KIF2A: variants seen among roughly 807,000 people sequenced by gnomAD.
KIF2A encodes the protein kinesin-like protein KIF2A.
In KIF2A, 22 loss-of-function variants were observed where a neutral mutation model predicts 100.2. That is an observed-to-expected ratio of 0.22 (90% CI 0.16 to 0.31). KIF2A has a LOEUF of 0.31. Ranked by LOEUF, KIF2A falls within the 10% of genes least tolerant of loss-of-function variation. The pLI is 1.00. For missense variants in KIF2A, 495 were observed against 898.7 expected, an observed-to-expected ratio of 0.55 and a Z score of 5.74; for synonymous variants, 268 against 285.9, an observed-to-expected ratio of 0.94 and a Z score of 0.63.
chr5:62,344,566 C>T (rs1405906996), intron 1 of KIF2A, among the ~76,000 whole-genome samples: 3 of 152,094 alleles, frequency 2.0e-5, no homozygotes, highest in Non-Finnish European at 4.4e-5. Context: ...AGAATGTATA[C>T]AAAGGGCGGT....
At chr5:62,362,988 A>G (rs377001403) in intron 12 of KIF2A, among the ~76,000 whole-genome samples, 190 bp from the exon 13 acceptor site, 2 of 152,274 alleles carry the variant, frequency 1.3e-5, no homozygotes, top group African/African-American at 4.8e-5. Context: ...CACCATGCCC[A>G]GCTAATTTGT....
At chr5:62,323,758 C>G (rs1746227236) in intron 1 of KIF2A, among the ~76,000 whole-genome samples, 1 of 151,838 alleles carries the variant, frequency 6.6e-6, no homozygotes, top group Non-Finnish European at 1.5e-5. Context: ...ATTTTTTTTG[C>G]TGGGTACAGT....
chr5:62,323,021 C>T (rs2077440241), intron 1 of KIF2A, among the ~76,000 whole-genome samples: 1 of 150,256 alleles, frequency 6.7e-6, no homozygotes, highest in African/African-American at 2.4e-5. Flanking sequence ...CTTTGGGAGG[C>T]CGAGGTGGAC....
intron 19 of KIF2A, 51 bp from the exon 20 acceptor site, chr5:62,381,067 T>C: frequency 7.0e-7 from 1 of 1,418,872 alleles, no homozygotes; most frequent in South Asian, 1.2e-5. Flanking sequence ...TGTAATTTGG[T>C]TTCTGTTGCA....
chr5:62,324,117 G>A (rs1746242567), intron 1 of KIF2A, among the ~76,000 whole-genome samples: 1 of 151,948 alleles, frequency 6.6e-6, no homozygotes. Flanking sequence ...ATTTACAGTA[G>A]CCACCTAAAG....
intron 20 of KIF2A, among the ~76,000 whole-genome samples, chr5:62,383,227 AG>A (rs1741863093): frequency 1.9e-5 from 2 of 104,666 alleles, no homozygotes; most frequent in African/African-American, 7.5e-5. Context: ...ATGCCTGGCC[AG>A]ATTTTTTTTT....
At chr5:62,377,046 C>G (rs1435804072) in intron 18 of KIF2A, among the ~76,000 whole-genome samples, 1 of 152,162 alleles carries the variant, frequency 6.6e-6, no homozygotes, top group Non-Finnish European at 1.5e-5. Flanking sequence ...AAGCACTGTT[C>G]AAACATGTAT....
intron 7 of KIF2A, among the ~76,000 whole-genome samples, chr5:62,357,158 G>A (rs247273): frequency 0.49 from 73,753 of 150,240 alleles, 18,953 homozygotes; most frequent in African/African-American, 0.64. Flanking sequence ...ATCTCGGCCC[G>A]CTGCAACCTC....
intron 1 of KIF2A, among the ~76,000 whole-genome samples, chr5:62,313,580 C>T (rs1476783943): frequency 6.6e-6 from 1 of 152,070 alleles, no homozygotes; most frequent in Middle Eastern, 3.2e-3. Flanking sequence ...GTCTTGAACT[C>T]CTGAGCTCGT....
intron 1 of KIF2A, among the ~76,000 whole-genome samples, chr5:62,343,116 T>C (rs73760588): frequency 0.087 from 13,292 of 152,174 alleles, 708 homozygotes; most frequent in African/African-American, 0.15. Flanking sequence ...AGTAAACCTC[T>C]TGTACTCCCA....
At chr5:62,373,183 T>C (rs1347825390) in intron 17 of KIF2A, among the ~76,000 whole-genome samples, 1 of 152,080 alleles carries the variant, frequency 6.6e-6, no homozygotes, top group Admixed American at 6.5e-5. Context: ...TTATACATTA[T>C]AAATAAAATT....
chr5:62,376,292 G>C (rs1476792986), intron 18 of KIF2A, among the ~76,000 whole-genome samples: 1 of 152,128 alleles, frequency 6.6e-6, no homozygotes, highest in Non-Finnish European at 1.5e-5. Flanking sequence ...CTCAGCATTA[G>C]CCTTTAGTTA....
intron 4 of KIF2A, 30 bp downstream of exon 4, chr5:62,350,150 G>A: frequency 7.6e-7 from 1 of 1,312,154 alleles, no homozygotes; most frequent in Non-Finnish European, 1.1e-6. Context: ...CTTAATTTTG[G>A]CTATTGACTT....
intron 19 of KIF2A, among the ~76,000 whole-genome samples, chr5:62,380,662 T>G (rs1741738415): frequency 6.6e-6 from 1 of 152,220 alleles, no homozygotes; most frequent in African/African-American, 2.4e-5. Flanking sequence ...TAAGGTATTC[T>G]TACCACAAAG....
chr5:62,385,416 C>A, intron 20 of KIF2A, 68 bp from the exon 21 acceptor site: 3 of 1,058,784 alleles, frequency 2.8e-6, no homozygotes, highest in Non-Finnish European at 4.3e-6. Flanking sequence ...TTGATTGAAC[C>A]CATAAAGTTG....
At chr5:62,370,777 A>C (rs1324054025) in intron 16 of KIF2A, among the ~76,000 whole-genome samples, 4 of 152,144 alleles carry the variant, frequency 2.6e-5, no homozygotes, top group Non-Finnish European at 5.9e-5. Flanking sequence ...TCTTGGGTAG[A>C]AGAGTGATTA....
chr5:62,363,880 A>G lies in KIF2A; in HGVS notation c.1448A>G (p.Lys483Arg). The G allele has an allele frequency of 6.2e-7, 1 of 1,611,724 alleles. No individual in the cohort carries two copies. The highest frequency in any genetic ancestry group is 8.5e-7 in the Non-Finnish European group (1 of 1,178,602). Residue 483 changes from lysine to arginine, a missense_variant, in exon 14 of 21, where the codon AAA (lysine) becomes AGA (arginine). This residue lies in a region of KIF2A where 16 missense variants were observed against 78.1 expected (regional missense o/e 0.20). Coordinates refer to ENST00000407818, the MANE Select transcript of KIF2A (RefSeq NM_001098511.3). ...AGGCTTGAAGGTGCTGAAATTAATA[A>G]AAGCCTTTTAGCACTCAAGGTAAAT... ...QTRLEGAEIN[K>R]SLLALKECIR...
chr5:62,330,435 A>G (rs264530), intron 1 of KIF2A, among the ~76,000 whole-genome samples: 85,514 of 152,058 alleles, frequency 0.56, 24,268 homozygotes, highest in South Asian at 0.65. Context: ...AGGTTTTACC[A>G]TCAATGTGTT....
intron 1 of KIF2A, among the ~76,000 whole-genome samples, chr5:62,320,126 ATTTAC>A (rs1746027688): frequency 6.6e-6 from 1 of 152,130 alleles, no homozygotes; most frequent in African/African-American, 2.4e-5. Flanking sequence ...CTGGAGTGTA[ATTTAC>A]TTAATAATAA....
Sources: gnomAD v4.1 joint callset for allele counts (sites outside exome capture counted in the v4.1 genomes callset) on GRCh38, gnomAD v4.1.1 for gene constraint, gnomAD v4.1.1 regional missense constraint, MANE v1.5 for transcripts, NCBI Gene and HGNC (gene_info 2026-07-23, HGNC 2026-07-21) for gene names.